Variants in SLC39A9 observed in about 807,000 individuals in gnomAD.
SLC39A9 encodes the protein solute carrier family 39 member 9.
SLC39A9 carries 14 observed loss-of-function variants against 28.4 expected under a neutral mutation model. That is an observed-to-expected ratio of 0.49 (90% confidence interval 0.33 to 0.77). The LOEUF (loss-of-function observed/expected upper bound fraction) is 0.77, where lower values mean the gene tolerates loss of function less well. Among genes scored for constraint, SLC39A9 ranks in the 30% least tolerant of loss-of-function variants. The pLI is 0.02. For missense variants in SLC39A9, 283 were observed against 381.1 expected, an observed-to-expected ratio of 0.74 and a Z score of 2.14; for synonymous variants, 119 against 149.6, an observed-to-expected ratio of 0.80 and a Z score of 1.49.
At position 69,399,976 on chromosome 14, in the gene SLC39A9, G is replaced by A. The variant is rs1317082438; in HGVS notation, c.96+511G>A. ...CAAATGAGGCTGAGGCAGGAGGATCGCTTGACCCCAAGTGGTTGAGGCTGC... is the reference window on the plus strand; with the variant it reads ...CAAATGAGGCTGAGGCAGGAGGATCACTTGACCCCAAGTGGTTGAGGCTGC... On this transcript the variant is annotated intron_variant, in intron 1 of 6. Coordinates refer to ENST00000336643, the MANE Select transcript of SLC39A9 (RefSeq NM_018375.5). 2.6e-5 allele frequency among the ~76,000 whole-genome samples: 4 copies of A among 152,224 alleles called. No individual in the cohort carries two copies. The East Asian group carries it at 7.7e-4, about 29-fold the overall frequency.
At chr14:69,402,366 T>A (rs1409893322) in intron 1 of SLC39A9, among the ~76,000 whole-genome samples, 1 of 152,246 alleles carries the variant, frequency 6.6e-6, no homozygotes, top group Non-Finnish European at 1.5e-5. Flanking sequence ...TGAAAAGATA[T>A]GCTTTTTATT....
chr14:69,443,278 G>T (rs191062277), intron 3 of SLC39A9, among the ~76,000 whole-genome samples: 75 of 152,350 alleles, frequency 4.9e-4, no homozygotes, highest in African/African-American at 1.8e-3. Flanking sequence ...AGCAGCATAA[G>T]TATCTTGGTC....
intron 1 of SLC39A9, among the ~76,000 whole-genome samples, 178 bp from the exon 2 acceptor site, chr14:69,423,914 AAT>A (rs1265474772): frequency 6.6e-6 from 1 of 151,382 alleles, no homozygotes; most frequent in South Asian, 2.1e-4. Flanking sequence ...AAAAAAAAAA[AAT>A]TCATCTCTTT....
At chr14:69,410,829 T>C (rs1029546325) in intron 1 of SLC39A9, among the ~76,000 whole-genome samples, 5 of 152,194 alleles carry the variant, frequency 3.3e-5, no homozygotes, top group African/African-American at 1.2e-4. Flanking sequence ...CTTTGATTTT[T>C]TTTTTTTTTT....
rs146756349 is a variant in SLC39A9, at chr14:69,453,694, T to C, written c.472+385T>C. 3.3e-3 allele frequency among the ~76,000 whole-genome samples: 495 copies of C among 152,252 alleles called. 3 individuals carry two copies. Among genetic ancestry groups the C allele is most frequent in the African/African-American group, 0.011 (450 of 41,540 alleles). ...GAACCTATTGCTGATTTAGGTTTGT[T>C]TGAGTGATGAAAATTTAGGTTAGGG... On this transcript the variant is annotated intron_variant, in intron 4 of 6. Transcript: ENST00000336643.
At position 69,455,735 on chromosome 14, in the gene SLC39A9, C is replaced by T; in HGVS notation, c.562C>T (p.Pro188Ser). Reference sequence around the variant, plus strand: ...AGAGATGATTTTTTATTTCCAGGCACCAGCTGCTTTTGGACTGGTTTCCTT... The same window carrying T: ...AGAGATGATTTTTTATTTCCAGGCATCAGCTGCTTTTGGACTGGTTTCCTT... ...VFVAIMLHKA[P>S]AAFGLVSFLM... The change falls in exon 6 of 7, where the codon CCA becomes TCA. Residue 188 changes from proline to serine, a missense_variant. Physicochemically the swap from Pro to Ser is moderately conservative, Grantham distance 74. Transcript: ENST00000336643. The T allele has an allele frequency of 6.2e-7, 1 of 1,614,132 alleles. No individual in the cohort carries two copies.
chr14:69,426,240 C>G (rs944813197), intron 2 of SLC39A9, among the ~76,000 whole-genome samples: 1 of 152,100 alleles, frequency 6.6e-6, no homozygotes, highest in Admixed American at 6.5e-5. Context: ...CCTCCTTCAC[C>G]CATCACCAGT....
At chr14:69,403,428 A>G (rs1055785408) in intron 1 of SLC39A9, among the ~76,000 whole-genome samples, 2 of 152,344 alleles carry the variant, frequency 1.3e-5, no homozygotes, top group Non-Finnish European at 1.5e-5. Context: ...CAGAGCTGGT[A>G]ACAGAGAGCA....
chr14:69,417,904 T>C (rs907195750), intron 1 of SLC39A9, among the ~76,000 whole-genome samples: 2 of 152,226 alleles, frequency 1.3e-5, no homozygotes, highest in African/African-American at 4.8e-5. Flanking sequence ...TACAGTCATG[T>C]CATCTGCAAA....
intron 6 of SLC39A9, among the ~76,000 whole-genome samples, chr14:69,456,473 A>G (rs1885868570): frequency 6.6e-6 from 1 of 152,168 alleles, no homozygotes; most frequent in Admixed American, 6.5e-5. Context: ...CTCATTTTTC[A>G]CGTTCCTCCT....
At chr14:69,417,223 T>C (rs909685906) in intron 1 of SLC39A9, among the ~76,000 whole-genome samples, 4 of 152,242 alleles carry the variant, frequency 2.6e-5, no homozygotes, top group Admixed American at 1.3e-4. Context: ...ATTTATTAAA[T>C]AGTGAATCCT....
At chr14:69,400,635 A>C (rs555641558) in intron 1 of SLC39A9, among the ~76,000 whole-genome samples, 1 of 152,348 alleles carries the variant, frequency 6.6e-6, no homozygotes, top group East Asian at 1.9e-4. Flanking sequence ...TATTAAGTAC[A>C]CCTTGAAGAA....
At chr14:69,416,020 A>G (rs927176642) in intron 1 of SLC39A9, among the ~76,000 whole-genome samples, 5 of 152,090 alleles carry the variant, frequency 3.3e-5, no homozygotes, top group Admixed American at 6.5e-5. Context: ...TGCTGCACCC[A>G]TTAACTCGCC....
At position 69,424,135 on chromosome 14, in the gene SLC39A9, C is replaced by G; in HGVS notation, c.138C>G (p.Leu46=). ...KLVTVLGAGL[L]CGTALAVIVP... ...TGACTGTTTTGGGTGCTGGCCTTCTCTGTGGAACTGCTCTGGCAGTCATCG... is the reference window on the plus strand; with the variant it reads ...TGACTGTTTTGGGTGCTGGCCTTCTGTGTGGAACTGCTCTGGCAGTCATCG... Residue 46 remains leucine (L), a synonymous_variant, in exon 2 of 7, where the codon CTC becomes CTG. Transcript: ENST00000336643. 1.2e-6 allele frequency: 2 copies of G among 1,613,948 alleles called. No individual in the cohort carries two copies. Among genetic ancestry groups the G allele is most frequent in the Non-Finnish European group, 1.7e-6 (2 of 1,179,878 alleles).
intron 2 of SLC39A9, among the ~76,000 whole-genome samples, chr14:69,439,517 G>C (rs554606546): frequency 2.0e-5 from 3 of 152,106 alleles, no homozygotes; most frequent in African/African-American, 7.2e-5. Context: ...TAAAATATCC[G>C]TAGTACCCAA....
At chr14:69,439,823 A>G (rs1884955898) in intron 2 of SLC39A9, among the ~76,000 whole-genome samples, 1 of 152,162 alleles carries the variant, frequency 6.6e-6, no homozygotes, top group Non-Finnish European at 1.5e-5. Flanking sequence ...CCCCTTCTGC[A>G]ATGATTGGAA....
intron 1 of SLC39A9, among the ~76,000 whole-genome samples, chr14:69,402,053 G>T (rs1458490113): frequency 1.3e-5 from 2 of 152,060 alleles, no homozygotes; most frequent in Non-Finnish European, 2.9e-5. Context: ...CTGGATAAAT[G>T]ACTTGCCTTT....
At chr14:69,434,193 C>T (rs930312397) in intron 2 of SLC39A9, among the ~76,000 whole-genome samples, 16 of 150,924 alleles carry the variant, frequency 1.1e-4, no homozygotes, top group Non-Finnish European at 1.8e-4. Context: ...AAGCAATTCT[C>T]CTGTCTGAGC....
At chr14:69,442,394 T>G (rs1885091490) in intron 3 of SLC39A9, 128 bp downstream of exon 3, 1 of 869,918 alleles carries the variant, frequency 1.1e-6, no homozygotes, top group Non-Finnish European at 1.8e-6. Flanking sequence ...CCTTGGGTTC[T>G]AGTGAACATT....
Sources: gnomAD v4.1 joint callset for allele counts (sites outside exome capture counted in the v4.1 genomes callset) on GRCh38, gnomAD v4.1.1 for gene constraint, MANE v1.5 for transcripts, NCBI Gene and HGNC (gene_info 2026-07-23, HGNC 2026-07-21) for gene names.